The following DPP6 variants were observed in gnomAD, a reference collection of about 807,000 sequenced individuals.
The protein encoded by DPP6 is dipeptidyl peptidase like 6.
A neutral mutation model predicts 122.6 loss-of-function variants in DPP6; 69 were observed. That is an observed-to-expected ratio of 0.56 (90% CI 0.46 to 0.69). The LOEUF (loss-of-function observed/expected upper bound fraction) is 0.69. Among genes scored for constraint, DPP6 ranks in the 30% least tolerant of loss-of-function variants. DPP6 has a pLI of 0.00. For synonymous variants in DPP6, 418 were observed against 433.1 expected (o/e 0.97, Z 0.43); for missense variants, 928 against 1,116.9 (o/e 0.83, Z 2.41).
At chr7:154,151,073 G>C (rs540052669) in intron 1 of DPP6, among the ~76,000 whole-genome samples, 1 of 152,164 alleles carries the variant, frequency 6.6e-6, no homozygotes, top group African/African-American at 2.4e-5. Context: ...ACCATTGTCC[G>C]TGCATAGCAA....
intron 12 of DPP6, among the ~76,000 whole-genome samples, chr7:154,800,148 C>A (rs1798275684): frequency 6.6e-6 from 1 of 152,196 alleles, no homozygotes; most frequent in Non-Finnish European, 1.5e-5. Flanking sequence ...GCTGGTTTTT[C>A]CATTTCCTCT....
intron 1 of DPP6, among the ~76,000 whole-genome samples, chr7:154,148,471 C>T (rs1361076158): frequency 6.7e-6 from 1 of 149,714 alleles, no homozygotes; most frequent in East Asian, 2.0e-4. Flanking sequence ...AGGATTTGTC[C>T]CAAGTCCCAC....
At chr7:154,232,902 A>G (rs1380595265) in intron 1 of DPP6, among the ~76,000 whole-genome samples, 3 of 152,228 alleles carry the variant, frequency 2.0e-5, no homozygotes, top group Non-Finnish European at 4.4e-5. Flanking sequence ...TGGGAGTTTG[A>G]AGAAGCAAGG....
intron 19 of DPP6, among the ~76,000 whole-genome samples, chr7:154,874,967 G>A (rs958688630): frequency 6.6e-6 from 1 of 152,128 alleles, no homozygotes; most frequent in South Asian, 2.1e-4. Context: ...AGGCATGGTG[G>A]CACATGCCTG....
At chr7:154,725,392 T>C (rs1290096389) in intron 7 of DPP6, among the ~76,000 whole-genome samples, 1 of 152,176 alleles carries the variant, frequency 6.6e-6, no homozygotes, top group African/African-American at 2.4e-5. Context: ...ACAGGAAGCA[T>C]GGCTGGAGAG....
chr7:154,363,436 C>A (rs1013472287), intron 1 of DPP6, among the ~76,000 whole-genome samples: 9 of 152,120 alleles, frequency 5.9e-5, no homozygotes, highest in African/African-American at 2.2e-4. Context: ...TAACTGAATC[C>A]TTTTACTTAT....
intron 4 of DPP6, among the ~76,000 whole-genome samples, chr7:154,542,353 G>A (rs1252034529): frequency 6.6e-6 from 1 of 152,092 alleles, no homozygotes; most frequent in Non-Finnish European, 1.5e-5. Flanking sequence ...TAATAGAGAG[G>A]ATAAAATGAT....
chr7:153,810,667 CTCTCCTCTCTCTCTCT>C, the DPP6 span, among the ~76,000 whole-genome samples: 25 of 138,190 alleles, frequency 1.8e-4, no homozygotes, highest in African/African-American at 3.6e-4. Flanking sequence ...TCTCCTCTCT[CTCTCCTCTCTCTCTCT>C]CTCTCTCTCT....
intron 16 of DPP6, among the ~76,000 whole-genome samples, chr7:154,834,767 A>C (rs1463110425): frequency 6.6e-6 from 1 of 152,224 alleles, no homozygotes; most frequent in African/African-American, 2.4e-5. Context: ...TTCATTGCAG[A>C]AATGATTATC....
chr7:154,795,850 C>A lies in DPP6; in HGVS notation c.1266C>A (p.His422Gln). 1 of 1,611,722 alleles carries A rather than the reference C, an allele frequency of 6.2e-7. No individual in the cohort carries two copies. ...DATTGVCTKK[H>Q]EDESEAWLHR... Reference sequence around the variant, plus strand: ...ATGCTCTCATTTCATTTCAGAAACACGAGGATGAAAGTGAGGCCTGGCTCC... The same window carrying A: ...ATGCTCTCATTTCATTTCAGAAACAAGAGGATGAAAGTGAGGCCTGGCTCC... Residue 422 changes from histidine (H) to glutamine (Q), a missense_variant, in exon 12 of 26, where the codon CAC becomes CAA. His to Gln is a conservative substitution (Grantham distance 24). Coordinates refer to ENST00000377770, the MANE Select transcript of DPP6 (RefSeq NM_130797.4).
At chr7:154,891,767 G>T (rs541446827) in intron 25 of DPP6, among the ~76,000 whole-genome samples, 2 of 152,248 alleles carry the variant, frequency 1.3e-5, no homozygotes, top group South Asian at 4.1e-4. Flanking sequence ...TGTATTTTTA[G>T]TAGAGACACG....
chr7:154,683,724 A>C (rs1839425352), intron 7 of DPP6, among the ~76,000 whole-genome samples: 1 of 151,274 alleles, frequency 6.6e-6, no homozygotes, highest in South Asian at 2.1e-4. Flanking sequence ...AGGTGCCATC[A>C]CTCCCCTGAC....
chr7:154,184,325 G>A (rs1438435951), intron 1 of DPP6, among the ~76,000 whole-genome samples: 1 of 151,882 alleles, frequency 6.6e-6, no homozygotes, highest in African/African-American at 2.4e-5. Flanking sequence ...GTAGGTCAGG[G>A]GGATCCGCTG....
intron 21 of DPP6, chr7:154,883,806 C>T (rs1017302562): frequency 3.0e-5 from 4 of 134,144 alleles, no homozygotes; most frequent in African/African-American, 1.1e-4. Context: ...GACTCACGCA[C>T]ACATGCTCAC....
At chr7:154,389,051 C>T (rs1227681810) in intron 1 of DPP6, among the ~76,000 whole-genome samples, 4 of 152,240 alleles carry the variant, frequency 2.6e-5, no homozygotes, top group East Asian at 1.9e-4. Context: ...GGAAAGCTGT[C>T]GTTCACCTTG....
intron 16 of DPP6, among the ~76,000 whole-genome samples, chr7:154,836,447 A>C (rs943831975): frequency 6.6e-6 from 1 of 152,226 alleles, no homozygotes; most frequent in East Asian, 1.9e-4. Flanking sequence ...GCACTTTCAC[A>C]ACACGGTTAT....
intron 4 of DPP6, among the ~76,000 whole-genome samples, chr7:154,552,863 A>G (rs1041458403): frequency 6.6e-6 from 1 of 152,242 alleles, no homozygotes; most frequent in Non-Finnish European, 1.5e-5. Flanking sequence ...AAATGTCTGT[A>G]TGCAAGAAAA....
Position 154,603,770 on chromosome 7 carries a change from G to T in DPP6, c.628-34051G>T, listed in dbSNP as rs1463764845. ...CTCATAAATATAATGTTAAGAAGTA[G>T]AAGTCAGACATAAAAGAATAAAACT... On this transcript the variant is annotated intron_variant, in intron 5 of 25. Coordinates refer to ENST00000377770, the MANE Select transcript of DPP6 (RefSeq NM_130797.4). Among the ~76,000 whole-genome samples, 3 of 114,768 alleles carry T rather than the reference G, an allele frequency of 2.6e-5. 1 individual carries two copies. Among genetic ancestry groups the T allele is most frequent in the Non-Finnish European group, 5.8e-5 (3 of 52,044 alleles). 75.3% of individuals were successfully genotyped at this position (114,768 alleles called of 152,430 possible). A position where few individuals can be genotyped will look rare whatever the true frequency, so the allele number is the denominator to read the frequency against.
chr7:154,607,717 C>T (rs1833643544), intron 5 of DPP6, among the ~76,000 whole-genome samples: 2 of 117,374 alleles, frequency 1.7e-5, no homozygotes, highest in South Asian at 3.5e-4. Context: ...ATTTTCTTTT[C>T]CTTATGATGT....
Sources: gnomAD v4.1 joint callset for allele counts (sites outside exome capture counted in the v4.1 genomes callset) on GRCh38, gnomAD v4.1.1 for gene constraint, MANE v1.5 for transcripts, NCBI Gene and HGNC (gene_info 2026-07-23, HGNC 2026-07-21) for gene names.